HS3ST3A1: variants seen among roughly 807,000 people sequenced by gnomAD.
The protein encoded by HS3ST3A1 is heparan sulfate glucosamine 3-O-sulfotransferase 3A1.
A neutral mutation model predicts 25.7 loss-of-function variants in HS3ST3A1; 19 were observed. The ratio of observed to expected loss-of-function variants is 0.74; its 90% CI spans 0.52 to 1.08. HS3ST3A1 has a LOEUF of 1.08. Among genes scored for constraint, HS3ST3A1 ranks in the 50% least tolerant of loss-of-function variants. HS3ST3A1 has a pLI of 0.00. For missense variants in HS3ST3A1, 459 were observed against 594.3 expected (o/e 0.77, Z 2.37); for synonymous variants, 226 against 278.6 (o/e 0.81, Z 1.88).
At chr17:13,600,413 C>A (rs1260427281) in intron 1 of HS3ST3A1, 118 bp downstream of exon 1, 19 of 1,407,336 alleles carry the variant, frequency 1.4e-5, no homozygotes, top group Admixed American at 3.0e-5. Context: ...GACGACCCTT[C>A]GCCTTCTGCA....
chr17:13,526,733 C>T (rs149043986), intron 1 of HS3ST3A1, among the ~76,000 whole-genome samples: 1,580 of 151,608 alleles, frequency 0.01, 27 homozygotes, highest in African/African-American at 0.036. Context: ...CAGCAACCTC[C>T]GCCTCCCAGG....
At chr17:13,566,556 C>T (rs1263601567) in intron 1 of HS3ST3A1, among the ~76,000 whole-genome samples, 3 of 152,192 alleles carry the variant, frequency 2.0e-5, no homozygotes, top group Non-Finnish European at 4.4e-5. Flanking sequence ...AAAGCTGAGA[C>T]AGGCTGAAAG....
chr17:13,557,443 AAAG>A lies in HS3ST3A1; in HGVS notation c.599+43085_599+43087del, dbSNP rs1269031667. On this transcript the variant is annotated intron_variant, in intron 1 of 1. Coordinates refer to ENST00000284110, the MANE Select transcript of HS3ST3A1 (RefSeq NM_006042.3). ...AAAGGCACCTTTCAGAGGGAAGAAA[AAAG>A]AAGATTTGTAACAACAACAACAAAA... is the stretch of plus-strand genomic sequence containing the variant. 5.8e-5 allele frequency among the ~76,000 whole-genome samples: 8 copies of A among 139,104 alleles called. No individual in the cohort carries two copies. The East Asian group carries it at 5.8e-4, about 10-fold the overall frequency. 91.3% of individuals were successfully genotyped at this position (139,104 alleles called of 152,430 possible).
chr17:13,599,880 T>C (rs142867539), intron 1 of HS3ST3A1, among the ~76,000 whole-genome samples: 3 of 152,360 alleles, frequency 2.0e-5, no homozygotes, highest in East Asian at 3.9e-4. Flanking sequence ...CCTGCAAATA[T>C]CAAAAGCACT....
At chr17:13,540,654 T>C (rs16948061) in intron 1 of HS3ST3A1, among the ~76,000 whole-genome samples, 5,533 of 152,272 alleles carry the variant, frequency 0.036, 263 homozygotes, top group East Asian at 0.24. Context: ...TAAGGAGAGG[T>C]GTGACTTACC....
At chr17:13,553,271 C>T (rs749556944) in intron 1 of HS3ST3A1, among the ~76,000 whole-genome samples, 7 of 152,174 alleles carry the variant, frequency 4.6e-5, no homozygotes, top group Admixed American at 1.3e-4. Flanking sequence ...GGACAGGAAG[C>T]GCTGATGCCC....
At chr17:13,547,832 C>A (rs1598422654) in intron 1 of HS3ST3A1, among the ~76,000 whole-genome samples, 1 of 151,750 alleles carries the variant, frequency 6.6e-6, no homozygotes, top group East Asian at 1.9e-4. Context: ...AGGGACTGAG[C>A]CCTTAACTCC....
intron 1 of HS3ST3A1, among the ~76,000 whole-genome samples, chr17:13,502,158 G>C (rs1905498126): frequency 6.6e-6 from 1 of 152,152 alleles, no homozygotes; most frequent in South Asian, 2.1e-4. Flanking sequence ...GGTTGTTAGA[G>C]CTGCTGTCTG....
chr17:13,512,527 A>G (rs2142308648), intron 1 of HS3ST3A1, among the ~76,000 whole-genome samples: 1 of 152,204 alleles, frequency 6.6e-6, no homozygotes, highest in Middle Eastern at 3.4e-3. Context: ...ATAAAGTTTT[A>G]TTGAAACATA....
intron 1 of HS3ST3A1, among the ~76,000 whole-genome samples, chr17:13,548,299 T>C (rs1481247820): frequency 6.6e-6 from 1 of 152,154 alleles, no homozygotes; most frequent in Non-Finnish European, 1.5e-5. Flanking sequence ...TTCTGTGTCA[T>C]TCTCACATGG....
intron 1 of HS3ST3A1, among the ~76,000 whole-genome samples, chr17:13,523,705 T>C (rs11656598): frequency 6.6e-6 from 1 of 152,248 alleles, no homozygotes; most frequent in Non-Finnish European, 1.5e-5. Flanking sequence ...TTCAATTGGT[T>C]GTTTTTGCCT....
At chr17:13,541,011 G>A (rs1220076696) in intron 1 of HS3ST3A1, among the ~76,000 whole-genome samples, 1 of 152,188 alleles carries the variant, frequency 6.6e-6, no homozygotes, top group Admixed American at 6.5e-5. Flanking sequence ...TTTATGTATT[G>A]TGATATAATT....
In HS3ST3A1 at chr17:13,601,316, C is replaced by G. The variant is rs1272584721; in HGVS notation, c.-187G>C. On this transcript the variant is annotated 5_prime_UTR_variant, in exon 1 of 2. Coordinates refer to ENST00000284110, the MANE Select transcript of HS3ST3A1 (RefSeq NM_006042.3). ...CCGCGGGGAAACGGAATCCCGGGGG[C>G]CCCGCGCAGGATCCCTGCCTCCAGT... 5 of 511,152 alleles carry G rather than the reference C, an allele frequency of 9.8e-6. No individual in the cohort carries two copies. Among genetic ancestry groups the G allele is most frequent in the African/African-American group, 2.0e-5 (1 of 48,982 alleles). The allele number at this position is 511,152 out of a possible 1,614,324, so 31.7% of individuals were successfully genotyped here.
At chr17:13,555,391 TG>T (rs1907345691) in intron 1 of HS3ST3A1, among the ~76,000 whole-genome samples, 1 of 152,148 alleles carries the variant, frequency 6.6e-6, no homozygotes, top group Non-Finnish European at 1.5e-5. Flanking sequence ...AACTTGGCAA[TG>T]GGGAGACACA....
chr17:13,515,185 G>A (rs1480748395), intron 1 of HS3ST3A1, among the ~76,000 whole-genome samples: 1 of 152,156 alleles, frequency 6.6e-6, no homozygotes, highest in Non-Finnish European at 1.5e-5. Flanking sequence ...TTTCTGAGAC[G>A]AGTTTCCCTC....
At chr17:13,563,615 A>G (rs1291119461) in intron 1 of HS3ST3A1, among the ~76,000 whole-genome samples, 3 of 152,144 alleles carry the variant, frequency 2.0e-5, no homozygotes, top group African/African-American at 7.2e-5. Context: ...AGAAATCCAG[A>G]GGTTCTTTTA....
chr17:13,559,768 A>G (rs1907477286), intron 1 of HS3ST3A1, among the ~76,000 whole-genome samples: 1 of 151,978 alleles, frequency 6.6e-6, no homozygotes, highest in African/African-American at 2.4e-5. Context: ...AGCACAGGCT[A>G]TCCCTAAGGC....
chr17:13,569,304 G>T (rs777155772), intron 1 of HS3ST3A1, among the ~76,000 whole-genome samples: 2 of 152,120 alleles, frequency 1.3e-5, no homozygotes, highest in African/African-American at 4.8e-5. Flanking sequence ...TTTATGCAGC[G>T]TTCTTTTGTG....
intron 1 of HS3ST3A1, among the ~76,000 whole-genome samples, chr17:13,557,907 T>G (rs527312165): frequency 6.6e-6 from 1 of 152,252 alleles, no homozygotes; most frequent in Non-Finnish European, 1.5e-5. Context: ...GCATTTGCTG[T>G]GTCCTGGTAA....
Sources: gnomAD v4.1 joint callset for allele counts (sites outside exome capture counted in the v4.1 genomes callset) on GRCh38, gnomAD v4.1.1 for gene constraint, MANE v1.5 for transcripts, NCBI Gene and HGNC (gene_info 2026-07-23, HGNC 2026-07-21) for gene names.